Variants in DCC observed in about 807,000 individuals in gnomAD.
DCC encodes netrin receptor DCC.
A neutral mutation model predicts 172.5 loss-of-function variants in DCC; 58 were observed. The observed-to-expected ratio is 0.34, with a 90% CI of 0.27 to 0.42. DCC has a LOEUF of 0.42. DCC is among the 10% of genes least tolerant of loss of function. DCC has a pLI of 1.00. For synonymous variants in DCC, 709 were observed against 644.5 expected (o/e 1.10, Z -1.52); for missense variants, 1,740 against 1,791.0 (o/e 0.97, Z 0.51).
At chr18:53,301,964 G>A (rs1219214716) in intron 12 of DCC, among the ~76,000 whole-genome samples, 1 of 152,158 alleles carries the variant, frequency 6.6e-6, no homozygotes. Flanking sequence ...CACAGTTAGT[G>A]AAGCTAGAAG....
Position 53,450,808 on chromosome 18 carries a change from G to T in DCC, c.3392+146G>T, listed in dbSNP as rs1018749090. On this transcript the variant is annotated intron_variant, in intron 23 of 28. Coordinates refer to ENST00000442544, the MANE Select transcript of DCC (RefSeq NM_005215.4). ...AAAACCTTGCGTTTTGTCTATTCCA[G>T]GCCTATCATTAAGTGAGTGAGGGCT... 4.1e-6 allele frequency: 3 copies of T among 730,400 alleles called. No individual in the cohort carries two copies. In the African/African-American group the frequency reaches 5.2e-5, roughly 13 times the overall value. 45.2% of individuals were successfully genotyped at this position (730,400 alleles called of 1,614,324 possible). A position where few individuals can be genotyped will look rare whatever the true frequency, so the allele number is the denominator to read the frequency against.
At chr18:53,131,006 TGAA>T (rs1354092392) in intron 7 of DCC, among the ~76,000 whole-genome samples, 1 of 152,142 alleles carries the variant, frequency 6.6e-6, no homozygotes, top group Non-Finnish European at 1.5e-5. Context: ...GTAGTGTTTC[TGAA>T]GAGTTAAGCC....
intron 1 of DCC, among the ~76,000 whole-genome samples, chr18:52,472,147 G>T (rs530196252): frequency 5.9e-5 from 9 of 152,272 alleles, no homozygotes; most frequent in Non-Finnish European, 1.0e-4. Flanking sequence ...TTTGAGCAAG[G>T]TGTGATAGTC....
chr18:52,933,762 T>C (rs937215448), intron 5 of DCC, among the ~76,000 whole-genome samples: 1 of 152,126 alleles, frequency 6.6e-6, no homozygotes, highest in Admixed American at 6.6e-5. Context: ...GAGCTACAAG[T>C]GCAGTTTTGT....
chr18:53,526,667 G>A lies in DCC; in HGVS notation c.4162G>A (p.Gly1388Arg), dbSNP rs757310889. 8 of 1,613,574 alleles carry A rather than the reference G, an allele frequency of 5.0e-6. No homozygotes were observed. Among genetic ancestry groups the A allele is most frequent in the Non-Finnish European group, 6.8e-6 (8 of 1,179,674 alleles). The change falls in exon 28 of 29, where the codon GGA becomes AGA. Residue 1388 changes from glycine (G) to arginine (R), a missense_variant. Gly to Arg is a moderately radical substitution (Grantham distance 125). This residue lies in a region of DCC where 1,732 missense variants were observed against 1,767.4 expected (regional missense o/e 0.98). Transcript: ENST00000442544. ...HVKTASLGLA[G>R]KARSPLLPVS... The stretch of plus-strand genomic sequence containing the variant: ...GAAAACAGCCTCCCTTGGGTTGGCT[G>A]GAAAAGCAAGATCCCCTTTGCTTCC...
At chr18:53,303,945 C>T (rs2057169979) in intron 12 of DCC, among the ~76,000 whole-genome samples, 1 of 152,098 alleles carries the variant, frequency 6.6e-6, no homozygotes, top group Non-Finnish European at 1.5e-5. Context: ...GGATGGGAAG[C>T]TAGAAAGGGG....
intron 5 of DCC, among the ~76,000 whole-genome samples, chr18:52,992,178 A>G (rs558504313): frequency 6.0e-4 from 91 of 152,294 alleles, no homozygotes; most frequent in African/African-American, 2.1e-3. Flanking sequence ...TTCCTTCCCC[A>G]TGGGAGAAGA....
At chr18:53,356,620 G>A (rs1041028515) in intron 15 of DCC, among the ~76,000 whole-genome samples, 1 of 152,124 alleles carries the variant, frequency 6.6e-6, no homozygotes, top group African/African-American at 2.4e-5. Flanking sequence ...TCCTGACTCA[G>A]CACCAAAGAT....
At chr18:52,572,758 C>G (rs2033328840) in intron 1 of DCC, among the ~76,000 whole-genome samples, 1 of 152,146 alleles carries the variant, frequency 6.6e-6, no homozygotes, top group South Asian at 2.1e-4. Context: ...GGCTCTCTTC[C>G]TGGGAGTGAT....
chr18:53,382,352 A>G (rs1269781653), intron 15 of DCC, among the ~76,000 whole-genome samples: 3 of 151,860 alleles, frequency 2.0e-5, no homozygotes, highest in East Asian at 2.0e-4. Context: ...TTCCCAGTGG[A>G]AAAAAAAGTG....
chr18:53,384,212 TTTAAAG>T (rs1907975174), intron 15 of DCC, among the ~76,000 whole-genome samples: 2 of 152,150 alleles, frequency 1.3e-5, no homozygotes, highest in Non-Finnish European at 2.9e-5. Context: ...ACCCTTTATG[TTTAAAG>T]TTAATTTTTG....
intron 1 of DCC, among the ~76,000 whole-genome samples, chr18:52,679,564 T>A (rs1335292941): frequency 6.6e-6 from 1 of 152,108 alleles, no homozygotes; most frequent in Non-Finnish European, 1.5e-5. Context: ...ATACTGTTTA[T>A]CTCTGATTGA....
chr18:52,656,510 A>G (rs2035257714), intron 1 of DCC, among the ~76,000 whole-genome samples: 1 of 151,846 alleles, frequency 6.6e-6, no homozygotes, highest in Non-Finnish European at 1.5e-5. Flanking sequence ...GGACTAAGAC[A>G]ATTGATAAAT....
intron 7 of DCC, among the ~76,000 whole-genome samples, chr18:53,082,322 T>C (rs1029798431): frequency 1.3e-5 from 2 of 152,148 alleles, no homozygotes; most frequent in African/African-American, 2.4e-5. Context: ...TCTAGCTTTA[T>C]TATTAATCAT....
chr18:53,328,414 G>T (rs1194483432), intron 14 of DCC, among the ~76,000 whole-genome samples: 1 of 152,082 alleles, frequency 6.6e-6, no homozygotes, highest in Non-Finnish European at 1.5e-5. Context: ...CATCACAGTG[G>T]GTTTTTGTGA....
At chr18:52,733,770 A>C (rs1315114285) in intron 1 of DCC, among the ~76,000 whole-genome samples, 1 of 152,156 alleles carries the variant, frequency 6.6e-6, no homozygotes, top group Non-Finnish European at 1.5e-5. Flanking sequence ...TGCTGGGATT[A>C]CAGGTAAGAG....
chr18:53,468,637 C>G (rs1047505665), intron 25 of DCC, among the ~76,000 whole-genome samples: 26 of 152,122 alleles, frequency 1.7e-4, no homozygotes, highest in Admixed American at 1.7e-3. Context: ...TCTTCTTCAG[C>G]CTCCCAAAGT....
At chr18:53,448,426 A>G (rs1912767613) in intron 22 of DCC, among the ~76,000 whole-genome samples, 1 of 152,192 alleles carries the variant, frequency 6.6e-6, no homozygotes, top group East Asian at 1.9e-4. Flanking sequence ...TGTTGTGAGA[A>G]TTCACTATCA....
intron 5 of DCC, among the ~76,000 whole-genome samples, chr18:53,010,755 A>G (rs2041717482): frequency 6.6e-6 from 1 of 150,978 alleles, no homozygotes; most frequent in South Asian, 2.1e-4. Flanking sequence ...TTATATTTCA[A>G]TAAACAAATT....
Sources: allele counts gnomAD v4.1 joint callset (sites outside exome capture counted in the v4.1 genomes callset), GRCh38; gene constraint gnomAD v4.1.1; regional missense constraint gnomAD v4.1.1; transcripts MANE v1.5; gene names NCBI Gene and HGNC (gene_info 2026-07-23, HGNC 2026-07-21).